Variants in STXBP5L observed in about 807,000 individuals in gnomAD.
STXBP5L encodes the protein syntaxin binding protein 5L.
STXBP5L carries 65 observed loss-of-function variants against 144.5 expected under a neutral mutation model. The observed-to-expected ratio is 0.45, with a 90% confidence interval of 0.37 to 0.55. STXBP5L has a LOEUF of 0.55. Ranked by LOEUF, STXBP5L falls within the 20% of genes least tolerant of loss-of-function variation. The pLI is 0.00. For missense variants in STXBP5L, 1,298 were observed against 1,405.5 expected, an observed-to-expected ratio of 0.92 and a Z score of 1.22; for synonymous variants, 505 against 469.6, an observed-to-expected ratio of 1.08 and a Z score of -0.97.
intron 3 of STXBP5L, among the ~76,000 whole-genome samples, chr3:120,975,189 T>C (rs895693957): frequency 3.3e-5 from 5 of 152,224 alleles, no homozygotes; most frequent in African/African-American, 1.2e-4. Context: ...GGAATATTCT[T>C]CCATTTGGTT....
chr3:121,042,670 A>G (rs376357646), intron 4 of STXBP5L, among the ~76,000 whole-genome samples: 4 of 152,258 alleles, frequency 2.6e-5, no homozygotes, highest in East Asian at 1.9e-4. Context: ...TGTGGGTAAA[A>G]TGTCTCATAG....
intron 3 of STXBP5L, among the ~76,000 whole-genome samples, chr3:120,972,377 A>G (rs1940372138): frequency 6.6e-6 from 1 of 152,088 alleles, no homozygotes; most frequent in African/African-American, 2.4e-5. Flanking sequence ...CTTCATCATT[A>G]TTGGTGTATA....
intron 9 of STXBP5L, among the ~76,000 whole-genome samples, chr3:121,189,098 C>T (rs1220507815): frequency 6.6e-6 from 1 of 152,048 alleles, no homozygotes; most frequent in Admixed American, 6.6e-5. Flanking sequence ...AGCTGATAAG[C>T]TCATTGTAGA....
chr3:121,062,441 C>G (rs116174647), intron 5 of STXBP5L, among the ~76,000 whole-genome samples: 15,107 of 152,080 alleles, frequency 0.099, 1,181 homozygotes, highest in Admixed American at 0.2. Flanking sequence ...ACATTTTTTC[C>G]TTCATTTCAA....
chr3:121,376,734 A>G (rs150976076), intron 20 of STXBP5L, among the ~76,000 whole-genome samples: 166 of 152,282 alleles, frequency 1.1e-3, no homozygotes, highest in African/African-American at 3.8e-3. Context: ...TTGGTTCCAT[A>G]TGAAACTTAA....
chr3:121,305,939 CAT>C (rs1337919424), intron 19 of STXBP5L, among the ~76,000 whole-genome samples: 17 of 152,104 alleles, frequency 1.1e-4, no homozygotes, highest in Non-Finnish European at 2.1e-4. Context: ...CTGAAGAACA[CAT>C]GTCAGTAGAC....
chr3:121,401,914 A>T (rs1487229550), intron 22 of STXBP5L, among the ~76,000 whole-genome samples: 1 of 150,454 alleles, frequency 6.6e-6, no homozygotes, highest in East Asian at 2.0e-4. Context: ...AAAAAAAGGA[A>T]TTAGATTTAC....
intron 9 of STXBP5L, among the ~76,000 whole-genome samples, chr3:121,181,409 T>A (rs2047147159): frequency 8.8e-6 from 1 of 113,738 alleles, no homozygotes; most frequent in African/African-American, 3.0e-5. Flanking sequence ...AGGGCCCCAC[T>A]TAAAAGATAC....
chr3:121,345,650 C>T (rs1451512835), intron 20 of STXBP5L, among the ~76,000 whole-genome samples: 1 of 152,100 alleles, frequency 6.6e-6, no homozygotes, highest in East Asian at 1.9e-4. Flanking sequence ...GCCTATTTCT[C>T]CACATCCTCT....
chr3:121,283,925 GTGTA>G (rs1490698738), intron 19 of STXBP5L, among the ~76,000 whole-genome samples: 1 of 150,836 alleles, frequency 6.6e-6, no homozygotes, highest in African/African-American at 2.4e-5. Context: ...GTGTGTGTGT[GTGTA>G]GACAGAAAAG....
At chr3:121,177,773 C>A (rs1252819595) in intron 9 of STXBP5L, among the ~76,000 whole-genome samples, 1 of 152,148 alleles carries the variant, frequency 6.6e-6, no homozygotes, top group Non-Finnish European at 1.5e-5. Flanking sequence ...AGTTTCACTT[C>A]TGGGCATATG....
At chr3:121,117,979 C>T (rs56152560) in intron 6 of STXBP5L, among the ~76,000 whole-genome samples, 2,928 of 151,662 alleles carry the variant, frequency 0.019, 102 homozygotes, top group African/African-American at 0.067. Context: ...TGTAGGGCAG[C>T]CCTAACATTT....
intron 5 of STXBP5L, chr3:121,099,040 C>G (rs1309509036): frequency 6.6e-6 from 1 of 152,142 alleles, no homozygotes; most frequent in Non-Finnish European, 1.5e-5. Context: ...CATTCGTAAG[C>G]TTCCCCAAAA....
At chr3:121,103,474 C>T (rs1016627678) in intron 5 of STXBP5L, among the ~76,000 whole-genome samples, 1 of 151,878 alleles carries the variant, frequency 6.6e-6, no homozygotes, top group Admixed American at 6.6e-5. Flanking sequence ...AAGTATACAT[C>T]GGAGCTAAAC....
chr3:121,318,754 G>A (rs2043869504), intron 20 of STXBP5L, among the ~76,000 whole-genome samples: 1 of 152,134 alleles, frequency 6.6e-6, no homozygotes, highest in South Asian at 2.1e-4. Context: ...TAAGATCAGA[G>A]GTAAAAGTGC....
At chr3:121,007,522 C>T (rs1944428827) in intron 3 of STXBP5L, among the ~76,000 whole-genome samples, 1 of 151,840 alleles carries the variant, frequency 6.6e-6, no homozygotes, top group Non-Finnish European at 1.5e-5. Flanking sequence ...GAATTTTTTT[C>T]TTGGAAAGTT....
Position 121,193,807 on chromosome 3 carries a change from G to A in STXBP5L, c.878-12116G>A, listed in dbSNP as rs2047805361. 2.0e-5 allele frequency among the ~76,000 whole-genome samples: 3 copies of A among 151,996 alleles called. No individual in the cohort carries two copies. The South Asian group carries it at 6.2e-4, about 32-fold the overall frequency. The stretch of plus-strand genomic sequence containing the variant: ...TTGGACACAGGACAGGGAACATCAT[G>A]CATGGGGGCCTGTCATGGGGTAGGG... On this transcript the variant is annotated intron_variant, in intron 9 of 26. Coordinates refer to ENST00000471454, the MANE Select transcript of STXBP5L (RefSeq NM_001308330.2).
chr3:121,127,178 A>G (rs2044746974), intron 7 of STXBP5L, among the ~76,000 whole-genome samples: 1 of 148,504 alleles, frequency 6.7e-6, no homozygotes, highest in African/African-American at 2.6e-5. Context: ...TCTAGGGAAG[A>G]CTGTGCTAAA....
intron 3 of STXBP5L, among the ~76,000 whole-genome samples, chr3:121,000,253 CAT>C (rs1272765931): frequency 5.3e-5 from 8 of 152,128 alleles, no homozygotes; most frequent in Non-Finnish European, 1.0e-4. Context: ...ACTAAGGAGT[CAT>C]AGATTTGGTC....
Sources: gnomAD v4.1 joint callset for allele counts (sites outside exome capture counted in the v4.1 genomes callset) on GRCh38, gnomAD v4.1.1 for gene constraint, MANE v1.5 for transcripts, NCBI Gene and HGNC (gene_info 2026-07-23, HGNC 2026-07-21) for gene names.